MIPEP: variants seen among roughly 807,000 people sequenced by gnomAD.
MIPEP encodes the protein mitochondrial intermediate peptidase.
A neutral mutation model predicts 90.3 loss-of-function variants in MIPEP; 79 were observed. The ratio of observed to expected loss-of-function variants is 0.87; its 90% CI spans 0.73 to 1.05. The LOEUF (loss-of-function observed/expected upper bound fraction) is 1.05, where lower values mean the gene tolerates loss of function less well. MIPEP is among the 50% of genes least tolerant of loss of function. The probability of loss-of-function intolerance (pLI) is 0.00; values close to 1 mark genes in which losing one functional copy is unlikely to be tolerated. For missense variants in MIPEP, 940 were observed against 905.6 expected (o/e 1.04, Z -0.49); for synonymous variants, 334 against 315.8 (o/e 1.06, Z -0.61).
At chr13:23,807,655 T>C (rs1953125485) in intron 15 of MIPEP, among the ~76,000 whole-genome samples, 1 of 152,226 alleles carries the variant, frequency 6.6e-6, no homozygotes. Flanking sequence ...TGAGTAACGA[T>C]GCATAAAGAT....
At chr13:23,782,445 C>T (rs1440822392) in intron 16 of MIPEP, among the ~76,000 whole-genome samples, 1 of 152,190 alleles carries the variant, frequency 6.6e-6, no homozygotes, top group Non-Finnish European at 1.5e-5. Flanking sequence ...CTCTGGGACA[C>T]ATTTAAAGCA....
chr13:23,831,386 G>GGGGGGGGGGGGGGGGGGGGGGGGGGGGC (rs67059706), intron 14 of MIPEP, among the ~76,000 whole-genome samples: 1 of 69,416 alleles, frequency 1.4e-5, no homozygotes, highest in Non-Finnish European at 3.0e-5. Context: ...CCCATGGCGG[G>GGGGGGGGGGGGGGGGGGGGGGGGGGGGC]GGGGGGATGT....
intron 7 of MIPEP, among the ~76,000 whole-genome samples, chr13:23,868,942 C>T (rs1870659941): frequency 6.6e-6 from 1 of 152,198 alleles, no homozygotes; most frequent in Admixed American, 6.5e-5. Flanking sequence ...ACCTTGACCT[C>T]AGTAAACATA....
chr13:23,824,581 G>A (rs1566007153), intron 14 of MIPEP, among the ~76,000 whole-genome samples: 1 of 152,196 alleles, frequency 6.6e-6, no homozygotes, highest in Non-Finnish European at 1.5e-5. Context: ...TTTCCCAGCT[G>A]ATCCCATCCC....
chr13:23,793,084 C>T (rs1952916445), intron 16 of MIPEP, among the ~76,000 whole-genome samples: 1 of 152,176 alleles, frequency 6.6e-6, no homozygotes, highest in Admixed American at 6.5e-5. Context: ...TTCCCCATTT[C>T]ACTCAGCTAA....
At chr13:23,800,849 T>C (rs1330513017) in intron 16 of MIPEP, among the ~76,000 whole-genome samples, 1 of 152,210 alleles carries the variant, frequency 6.6e-6, no homozygotes, top group Admixed American at 6.5e-5. Context: ...TTTGTTAGCA[T>C]ATTACAGACT....
intron 10 of MIPEP, among the ~76,000 whole-genome samples, chr13:23,847,321 G>A (rs1593188225): frequency 6.6e-6 from 1 of 152,132 alleles, no homozygotes; most frequent in African/African-American, 2.4e-5. Flanking sequence ...GATCAATTTA[G>A]AGAAGTAAAA....
rs982756712 is a variant in MIPEP at position 23,769,839 on chromosome 13, G to A, written c.1849-9622C>T. On this transcript the variant is annotated intron_variant, in intron 16 of 18. Coordinates refer to ENST00000382172, the MANE Select transcript of MIPEP (RefSeq NM_005932.4). ...GAGGTGGGGCCTTTAAGAGGTGACC[G>A]GATCATGAGGGCCCTGACTTCATAA... 3.3e-5 allele frequency among the ~76,000 whole-genome samples: 5 copies of A among 152,246 alleles called. No individual in the cohort carries two copies. In the East Asian group the frequency reaches 5.8e-4, roughly 18 times the overall value.
At chr13:23,871,301 G>A (rs1870795747) in intron 5 of MIPEP, among the ~76,000 whole-genome samples, 1 of 152,188 alleles carries the variant, frequency 6.6e-6, no homozygotes, top group South Asian at 2.1e-4. Context: ...CAAAGGGGTT[G>A]CCATAAATGC....
At chr13:23,736,050 A>T (rs1489743544) in intron 18 of MIPEP, among the ~76,000 whole-genome samples, 1 of 152,198 alleles carries the variant, frequency 6.6e-6, no homozygotes, top group Non-Finnish European at 1.5e-5. Flanking sequence ...TTTGCCTTCA[A>T]GTCTTAATTT....
chr13:23,841,222 AG>A (rs1869280217), intron 11 of MIPEP, 112 bp downstream of exon 11: 7 of 841,150 alleles, frequency 8.3e-6, no homozygotes, highest in Non-Finnish European at 1.3e-5. Flanking sequence ...GAAATAAGGC[AG>A]GGGACACACT....
intron 16 of MIPEP, among the ~76,000 whole-genome samples, chr13:23,800,866 G>A (rs1319613270): frequency 6.6e-6 from 1 of 152,104 alleles, no homozygotes; most frequent in East Asian, 1.9e-4. Context: ...GACTCCAAGC[G>A]GTTCCTCAGT....
At chr13:23,814,241 C>G (rs752576631) in intron 14 of MIPEP, among the ~76,000 whole-genome samples, 3 of 152,116 alleles carry the variant, frequency 2.0e-5, no homozygotes, top group Non-Finnish European at 4.4e-5. Flanking sequence ...GATATGGACA[C>G]TACCATAGTT....
intron 16 of MIPEP, among the ~76,000 whole-genome samples, chr13:23,765,637 G>T (rs886451644): frequency 6.6e-6 from 1 of 152,178 alleles, no homozygotes; most frequent in Non-Finnish European, 1.5e-5. Context: ...CCAAGGGCAT[G>T]GCCTACATAT....
rs548507974 is a variant in MIPEP, at chr13:23,834,142, G to A, written c.1653+2098C>T. 2.8e-3 allele frequency among the ~76,000 whole-genome samples: 432 copies of A among 152,272 alleles called. 2 individuals are homozygous for A. The highest frequency in any genetic ancestry group is 0.017 in the Middle Eastern group (5 of 294). ...GCCACGCGCCCGGGATGAGGGGAGA[G>A]GGGCCGAGCCCCCGGAGCCGGAGCC... On this transcript the variant is annotated intron_variant, in intron 14 of 18. Coordinates refer to ENST00000382172, the MANE Select transcript of MIPEP (RefSeq NM_005932.4).
intron 16 of MIPEP, among the ~76,000 whole-genome samples, chr13:23,770,711 C>T (rs1378023952): frequency 6.6e-6 from 1 of 152,160 alleles, no homozygotes; most frequent in African/African-American, 2.4e-5. Flanking sequence ...GCCCCCTCCC[C>T]ATTAATCTAA....
At chr13:23,827,738 C>T (rs1056625122) in intron 14 of MIPEP, among the ~76,000 whole-genome samples, 5 of 152,130 alleles carry the variant, frequency 3.3e-5, no homozygotes, top group African/African-American at 9.7e-5. Context: ...TCAAGGCCAG[C>T]CTGGCCAACA....
At chr13:23,771,392 A>G (rs1952648799) in intron 16 of MIPEP, among the ~76,000 whole-genome samples, 2 of 152,200 alleles carry the variant, frequency 1.3e-5, no homozygotes, top group South Asian at 4.1e-4. Flanking sequence ...GAGCAAGAAT[A>G]TTAGACATAA....
rs1869210752 is a variant in MIPEP at position 23,839,693 on chromosome 13, A to AC, written c.1293dup (p.Tyr432ValfsTer5). 1 of 1,613,062 alleles carries AC rather than the reference A, an allele frequency of 6.2e-7. No homozygotes were observed. The highest frequency in any genetic ancestry group is 1.3e-5 in the African/African-American group (1 of 74,892). On this transcript the variant is annotated frameshift_variant, in exon 12 of 19. Transcript: ENST00000382172. LOFTEE classifies it high-confidence loss of function. ...CGCTGAAAAAAATCACAGTAAATGT[A>AC]CCCCAACAATCCTTCAGATTCATGA...
Sources: allele counts gnomAD v4.1 joint callset (sites outside exome capture counted in the v4.1 genomes callset), GRCh38; gene constraint gnomAD v4.1.1; transcripts MANE v1.5; gene names NCBI Gene and HGNC (gene_info 2026-07-23, HGNC 2026-07-21).